MID1: variants seen among roughly 807,000 people sequenced by gnomAD.
MID1 encodes the protein E3 ubiquitin-protein ligase Midline-1.
A neutral mutation model predicts 40.4 loss-of-function variants in MID1; 7 were observed. The ratio of observed to expected loss-of-function variants is 0.17; its 90% CI spans 0.10 to 0.33. The LOEUF is 0.33. MID1 is among the 10% of genes least tolerant of loss of function. The pLI, the probability that MID1 is intolerant of heterozygous loss-of-function variation, is 1.00. For synonymous variants in MID1, 229 were observed against 221.2 expected (o/e 1.04, Z -0.31); for missense variants, 367 against 558.5 (o/e 0.66, Z 3.46).
chrX:10,465,214 T>TATATATATATATATACAC (rs1477864693), intron 7 of MID1, among the ~76,000 whole-genome samples: 11 of 39,900 alleles, frequency 2.8e-4, no homozygotes, highest in Non-Finnish European at 4.2e-4. Context: ...TATATATATA[T>TATATATATATATATACAC]ACACACACAC....
At chrX:10,747,914 C>A (rs746349221) in intron 1 of MID1, among the ~76,000 whole-genome samples, 1 of 112,193 alleles carries the variant, frequency 8.9e-6, no homozygotes, top group African/African-American at 3.2e-5. Context: ...CCATAAGCTA[C>A]AAACACTAGG....
intron 1 of MID1, among the ~76,000 whole-genome samples, chrX:10,587,348 C>A (rs1238436522): frequency 8.9e-6 from 1 of 112,892 alleles, no homozygotes; most frequent in Non-Finnish European, 1.9e-5. Flanking sequence ...TCATCGCATC[C>A]CTTCAGGTCT....
chrX:10,721,104 C>T (rs1212047636), intron 1 of MID1, among the ~76,000 whole-genome samples: 3 of 109,595 alleles, frequency 2.7e-5, no homozygotes, highest in Non-Finnish European at 5.7e-5. Flanking sequence ...TGTTAAATGA[C>T]GAGTTAATGG....
At chrX:10,761,858 A>C (rs2147120656) in intron 1 of MID1, among the ~76,000 whole-genome samples, 1 of 112,318 alleles carries the variant, frequency 8.9e-6, no homozygotes, top group African/African-American at 3.2e-5. Flanking sequence ...TTTGGTTTAC[A>C]GCATTGATTG....
At chrX:10,799,184 C>T (rs990348947) in intron 1 of MID1, among the ~76,000 whole-genome samples, 1 of 111,653 alleles carries the variant, frequency 9.0e-6, no homozygotes, top group South Asian at 3.8e-4. Context: ...ATTACTGGTA[C>T]GTGGCTGATG....
intron 1 of MID1, among the ~76,000 whole-genome samples, chrX:10,801,281 A>G (rs769933853): frequency 1.1e-4 from 12 of 112,269 alleles, no homozygotes; most frequent in African/African-American, 1.6e-4. Context: ...ATTTCATTAT[A>G]TAAATATTAG....
intron 7 of MID1, among the ~76,000 whole-genome samples, chrX:10,464,318 G>A (rs111506321): frequency 9.0e-6 from 1 of 111,717 alleles, no homozygotes; most frequent in Admixed American, 9.5e-5. Context: ...TATTATTTTC[G>A]ATGCAAATAG....
intron 2 of MID1, among the ~76,000 whole-genome samples, chrX:10,562,023 T>C (rs1934358348): frequency 9.4e-6 from 1 of 106,946 alleles, no homozygotes; most frequent in Admixed American, 9.7e-5. Flanking sequence ...ATATACACCA[T>C]GTAATACTAT....
chrX:10,662,749 C>T (rs368798435), intron 1 of MID1, among the ~76,000 whole-genome samples: 1 of 111,673 alleles, frequency 9.0e-6, no homozygotes, highest in South Asian at 3.8e-4. Context: ...CATAATTCTA[C>T]GAGCTTGCTA....
intron 9 of MID1, among the ~76,000 whole-genome samples, chrX:10,450,063 A>C (rs974602094): frequency 1.8e-5 from 2 of 112,669 alleles, no homozygotes; most frequent in African/African-American, 6.5e-5. Context: ...GCTGACCAAA[A>C]GAACTTTCTT....
chrX:10,828,539 T>C (rs2044231264), intron 1 of MID1, among the ~76,000 whole-genome samples: 1 of 111,497 alleles, frequency 9.0e-6, no homozygotes, highest in Non-Finnish European at 1.9e-5. Flanking sequence ...GAAAACACCT[T>C]AAAAGGGGGA....
At chrX:10,677,263 T>C (rs2043028941) in intron 1 of MID1, among the ~76,000 whole-genome samples, 1 of 112,167 alleles carries the variant, frequency 8.9e-6, no homozygotes, top group Admixed American at 9.5e-5. Context: ...TGCTAAGTTG[T>C]AAGGCATGAC....
intron 1 of MID1, among the ~76,000 whole-genome samples, chrX:10,606,353 T>G (rs1230352163): frequency 9.0e-6 from 1 of 111,439 alleles, no homozygotes; most frequent in Non-Finnish European, 1.9e-5. Flanking sequence ...GGTAAATTTA[T>G]AAAGTTAAAA....
chrX:10,583,640 G>A (rs1935068035), intron 1 of MID1, among the ~76,000 whole-genome samples: 1 of 112,328 alleles, frequency 8.9e-6, no homozygotes, highest in Non-Finnish European at 1.9e-5. Flanking sequence ...AAAGAGAAAA[G>A]CCACGAACAC....
chrX:10,708,013 G>A (rs150022562), intron 1 of MID1, among the ~76,000 whole-genome samples: 272 of 112,809 alleles, frequency 2.4e-3, no homozygotes, highest in Non-Finnish European at 4.1e-3. Context: ...TAAATGTACC[G>A]TGTTGGTAGA....
chrX:10,508,628 G>C (rs1411410481), intron 3 of MID1, among the ~76,000 whole-genome samples: 5 of 111,534 alleles, frequency 4.5e-5, no homozygotes, highest in Non-Finnish European at 9.4e-5. Context: ...GAGTAGGCAA[G>C]ACAGAGTTAG....
At position 10,719,915 on chromosome X, in the gene MID1, T is replaced by C. The variant is rs754234331; in HGVS notation, c.-186-99496A>G. 3.6e-5 allele frequency among the ~76,000 whole-genome samples: 4 copies of C among 111,809 alleles called. No individual in the cohort carries two copies. The East Asian group carries it at 1.1e-3, about 31-fold the overall frequency. ...GCTGCATATCTACAACTATCTCATC[T>C]TTGACAAACCTGACAAAAACAAGAA... is the stretch of plus-strand genomic sequence containing the variant. On this transcript the variant is annotated intron_variant, in intron 1 of 10. Transcript: ENST00000380785.
chrX:10,640,951 TG>T (rs2147564810), intron 1 of MID1, among the ~76,000 whole-genome samples: 1 of 111,999 alleles, frequency 8.9e-6, no homozygotes, highest in Non-Finnish European at 1.9e-5. Context: ...GAAATAAAGA[TG>T]TTCTTTGAAA....
chrX:10,638,100 T>A (rs958931525), intron 1 of MID1, among the ~76,000 whole-genome samples: 3 of 111,927 alleles, frequency 2.7e-5, no homozygotes. Flanking sequence ...GATGGCTGAA[T>A]AGGAACAGCT....
Sources: gnomAD v4.1 joint callset for allele counts (sites outside exome capture counted in the v4.1 genomes callset) on GRCh38, gnomAD v4.1.1 for gene constraint, MANE v1.5 for transcripts, NCBI Gene and HGNC (gene_info 2026-07-23, HGNC 2026-07-21) for gene names.